The following SLC2A9 variants were observed in gnomAD, a reference collection of about 807,000 sequenced individuals.
SLC2A9 encodes solute carrier family 2 member 9.
In SLC2A9, 39 loss-of-function variants were observed where a neutral mutation model predicts 50.6. The observed-to-expected ratio is 0.77, with a 90% confidence interval of 0.60 to 1.01. SLC2A9 has a LOEUF of 1.01. Among genes scored for constraint, SLC2A9 ranks in the 50% least tolerant of loss-of-function variants. SLC2A9 has a pLI of 0.00. For missense variants in SLC2A9, 686 were observed against 677.6 expected, an observed-to-expected ratio of 1.01 and a Z score of -0.14; for synonymous variants, 324 against 276.9, an observed-to-expected ratio of 1.17 and a Z score of -1.69.
chr4:10,013,022 A>C (rs10939656), intron 2 of SLC2A9, among the ~76,000 whole-genome samples: 69,989 of 151,612 alleles, frequency 0.46, 17,272 homozygotes, highest in South Asian at 0.6. Flanking sequence ...AAACAGAGAA[A>C]CCAGTTAGGG....
intron 6 of SLC2A9, among the ~76,000 whole-genome samples, chr4:9,929,012 G>T (rs1745408534): frequency 1.3e-5 from 2 of 152,222 alleles, no homozygotes; most frequent in African/African-American, 4.8e-5. Flanking sequence ...ACAGGTTGAA[G>T]CCGCTTCATC....
chr4:9,924,766 AG>A (rs137899691), intron 6 of SLC2A9, among the ~76,000 whole-genome samples: 2,099 of 152,262 alleles, frequency 0.014, 22 homozygotes, highest in Middle Eastern at 0.054. Flanking sequence ...ACAATCACAA[AG>A]TCACCTAAAC....
chr4:9,934,153 G>A (rs567823657), intron 6 of SLC2A9, among the ~76,000 whole-genome samples: 2 of 152,204 alleles, frequency 1.3e-5, no homozygotes, highest in South Asian at 4.2e-4. Flanking sequence ...TCATTATTCT[G>A]CCTCCCACAC....
chr4:9,783,280 C>A, intron 3 of SLC2A9: 1 of 1,614,218 alleles, frequency 6.2e-7, no homozygotes, highest in Non-Finnish European at 8.5e-7. Context: ...TGCCCAACGC[C>A]GTTACCCCCG....
chr4:9,867,334 C>T (rs1732655912), intron 10 of SLC2A9, among the ~76,000 whole-genome samples: 1 of 152,244 alleles, frequency 6.6e-6, no homozygotes, highest in African/African-American at 2.4e-5. Context: ...GCACTCTCTG[C>T]AGCCATGTGG....
At chr4:9,998,407 C>A (rs1215259946) in intron 2 of SLC2A9, among the ~76,000 whole-genome samples, 3 of 152,158 alleles carry the variant, frequency 2.0e-5, no homozygotes, top group African/African-American at 7.2e-5. Context: ...TGACATTGAC[C>A]TCTCAGGGCT....
chr4:9,793,646 TAGG>T (rs1205356371), intron 3 of SLC2A9, among the ~76,000 whole-genome samples: 1 of 152,214 alleles, frequency 6.6e-6, no homozygotes, highest in Non-Finnish European at 1.5e-5. Flanking sequence ...TGTTAGCTCT[TAGG>T]AGGAGGCAAA....
At chr4:9,978,347 T>G (rs951996218) in intron 5 of SLC2A9, among the ~76,000 whole-genome samples, 12 of 152,192 alleles carry the variant, frequency 7.9e-5, no homozygotes, top group African/African-American at 2.9e-4. Flanking sequence ...CCTTACGGAC[T>G]CAAGCAGGAG....
intron 3 of SLC2A9, among the ~76,000 whole-genome samples, chr4:9,802,663 G>C (rs1721606920): frequency 6.7e-6 from 1 of 148,820 alleles, no homozygotes; most frequent in Non-Finnish European, 1.5e-5. Context: ...CAAGGTTCAA[G>C]CAATTCTGCC....
At chr4:9,806,233 G>A (rs74706199) in intron 3 of SLC2A9, among the ~76,000 whole-genome samples, 1 of 152,192 alleles carries the variant, frequency 6.6e-6, no homozygotes, top group African/African-American at 2.4e-5. Flanking sequence ...CACCCACACT[G>A]AAAGTTGTCG....
At chr4:9,961,236 A>G (rs1752227921) in intron 5 of SLC2A9, among the ~76,000 whole-genome samples, 1 of 152,182 alleles carries the variant, frequency 6.6e-6, no homozygotes, top group Non-Finnish European at 1.5e-5. Flanking sequence ...CAGTGCTAGA[A>G]AGATGTTTGG....
At chr4:9,846,785 C>A (rs1729066100) in intron 10 of SLC2A9, among the ~76,000 whole-genome samples, 1 of 152,158 alleles carries the variant, frequency 6.6e-6, no homozygotes, top group Admixed American at 6.5e-5. Context: ...AAATAAAGTG[C>A]ACACCCAAAC....
rs534944966 is a variant in SLC2A9, at chr4:9,887,404, G to A, written c.1291+163C>T. Among the ~76,000 whole-genome samples the A allele has an allele frequency of 3.9e-5, 6 of 152,284 alleles. 1 individual carries two copies. The South Asian group carries it at 8.3e-4, about 21-fold the overall frequency. ...TCTGTGGGATAGACTGCAGACAGTC[G>A]GCTACATTTAAATTGGGCCAAAAGA... On this transcript the variant is annotated intron_variant, in intron 10 of 11. Coordinates refer to ENST00000264784, the MANE Select transcript of SLC2A9 (RefSeq NM_020041.3).
chr4:9,963,289 G>A (rs28558552), intron 5 of SLC2A9, among the ~76,000 whole-genome samples: 71,058 of 152,024 alleles, frequency 0.47, 18,068 homozygotes, highest in African/African-American at 0.67. Flanking sequence ...CCCTTGACAC[G>A]TGGGGATTAT....
intron 6 of SLC2A9, among the ~76,000 whole-genome samples, chr4:9,936,536 G>A (rs990876634): frequency 4.6e-5 from 7 of 152,298 alleles, no homozygotes; most frequent in Non-Finnish European, 7.3e-5. Flanking sequence ...TCAACTTCAC[G>A]GCTGACACCA....
chr4:9,788,405 G>A (rs1416716803), intron 3 of SLC2A9, among the ~76,000 whole-genome samples: 1 of 147,660 alleles, frequency 6.8e-6, no homozygotes, highest in Non-Finnish European at 1.5e-5. Context: ...TGCCCAGGCT[G>A]GTCTCAAGCT....
At chr4:9,885,482 T>C (rs1457868626) in intron 10 of SLC2A9, among the ~76,000 whole-genome samples, 1 of 152,076 alleles carries the variant, frequency 6.6e-6, no homozygotes, top group African/African-American at 2.4e-5. Context: ...AGGGGTCTGC[T>C]CTCTCCACTT....
chr4:9,830,960 G>T (rs1726033025), intron 11 of SLC2A9, among the ~76,000 whole-genome samples: 1 of 152,164 alleles, frequency 6.6e-6, no homozygotes, highest in African/African-American at 2.4e-5. Flanking sequence ...GGAAACCCAG[G>T]CTTGGAGAGG....
chr4:9,820,596 G>A (rs1173178594), intron 3 of SLC2A9, among the ~76,000 whole-genome samples: 8 of 152,050 alleles, frequency 5.3e-5, no homozygotes, highest in East Asian at 3.9e-4. Context: ...CCATTTATTC[G>A]TTCTTTGACT....
Sources: gnomAD v4.1 joint callset for allele counts (sites outside exome capture counted in the v4.1 genomes callset) on GRCh38, gnomAD v4.1.1 for gene constraint, MANE v1.5 for transcripts, NCBI Gene and HGNC (gene_info 2026-07-23, HGNC 2026-07-21) for gene names.